ANKRD6: variants seen among roughly 807,000 people sequenced by gnomAD.
ANKRD6 encodes the protein ankyrin repeat domain 6.
Under a neutral mutation model 82.3 loss-of-function variants are expected in ANKRD6, and 56 were observed. That is an observed-to-expected ratio of 0.68 (90% CI 0.55 to 0.85). The LOEUF is 0.85. Ranked by LOEUF, ANKRD6 falls within the 40% of genes least tolerant of loss-of-function variation. The probability of loss-of-function intolerance (pLI) is 0.00; values close to 1 mark genes in which losing one functional copy is unlikely to be tolerated. For synonymous variants in ANKRD6, 347 were observed against 352.1 expected, an observed-to-expected ratio of 0.99 and a Z score of 0.16; for missense variants, 852 against 907.6, an observed-to-expected ratio of 0.94 and a Z score of 0.79.
At chr6:89,605,160 T>A (rs991571777) in intron 4 of ANKRD6, among the ~76,000 whole-genome samples, 1 of 152,202 alleles carries the variant, frequency 6.6e-6, no homozygotes, top group Non-Finnish European at 1.5e-5. Flanking sequence ...GCCAAGTGGA[T>A]CACTTGAGGT....
chr6:89,579,813 A>G (rs1792096184), intron 2 of ANKRD6, among the ~76,000 whole-genome samples: 1 of 150,696 alleles, frequency 6.6e-6, no homozygotes, highest in African/African-American at 2.4e-5. Flanking sequence ...TCAGTGTCCA[A>G]CATTTAATAA....
At chr6:89,575,671 A>G (rs372341951) in intron 2 of ANKRD6, among the ~76,000 whole-genome samples, 17 of 152,188 alleles carry the variant, frequency 1.1e-4, no homozygotes, top group African/African-American at 4.1e-4. Context: ...ATTTTCATGT[A>G]TATGTTGCTT....
intron 1 of ANKRD6, among the ~76,000 whole-genome samples, chr6:89,508,548 C>T (rs1180382549): frequency 6.6e-6 from 1 of 152,104 alleles, no homozygotes; most frequent in Non-Finnish European, 1.5e-5. Flanking sequence ...AAAGGATTTC[C>T]AGCAGAAAAG....
chr6:89,632,731 A>G lies in ANKRD6; in HGVS notation c.*1727A>G, dbSNP rs1807654739. 6.6e-6 allele frequency: 1 copy of G among 152,214 alleles called. No individual in the cohort carries two copies. The highest frequency in any genetic ancestry group is 1.5e-5 in the Non-Finnish European group (1 of 68,036). 9.4% of individuals were successfully genotyped at this position (152,214 alleles called of 1,614,324 possible). A position where few individuals can be genotyped will look rare whatever the true frequency, so the allele number is the denominator to read the frequency against. On this transcript the variant is annotated 3_prime_UTR_variant, in exon 16 of 16. Coordinates refer to ENST00000339746, the MANE Select transcript of ANKRD6 (RefSeq NM_001242809.2). ...CCCCAGAGACTCATTAGATTGCAATATAGAGGCACTTTCTCATTTCCCTAT... is the reference window on the plus strand; with the variant it reads ...CCCCAGAGACTCATTAGATTGCAATGTAGAGGCACTTTCTCATTTCCCTAT...
chr6:89,439,886 G>A (rs1291999340), intron 1 of ANKRD6, among the ~76,000 whole-genome samples: 2 of 151,880 alleles, frequency 1.3e-5, no homozygotes, highest in African/African-American at 2.4e-5. Flanking sequence ...TAGTAGAGAC[G>A]GGGTTTTACC....
In ANKRD6 at chr6:89,623,981, C is replaced by CCCCA; in HGVS notation, c.1146_1149dup (p.Pro384ThrfsTer5). On this transcript the variant is annotated frameshift_variant, in exon 12 of 16. Transcript: ENST00000339746. LOFTEE classifies it high-confidence loss of function. ...AAGAGGAACAGGCATCGGTGTTCATCCCCACCCCCACCCCATGAGTTCAGG... is the reference window on the plus strand; with the variant it reads ...AAGAGGAACAGGCATCGGTGTTCATCCCCACCCACCCCCACCCCATGAGTTCAGG... 1 of 1,528,416 alleles carries CCCCA rather than the reference C, an allele frequency of 6.5e-7. No homozygotes were observed. Among genetic ancestry groups the CCCCA allele is most frequent in the Non-Finnish European group, 9.0e-7 (1 of 1,111,958 alleles). 94.7% of individuals were successfully genotyped at this position (1,528,416 alleles called of 1,614,324 possible). A position where few individuals can be genotyped will look rare whatever the true frequency, so the allele number is the denominator to read the frequency against.
At chr6:89,454,272 C>T (rs1773242002) in intron 1 of ANKRD6, among the ~76,000 whole-genome samples, 1 of 152,210 alleles carries the variant, frequency 6.6e-6, no homozygotes, top group Non-Finnish European at 1.5e-5. Flanking sequence ...GCTATTTCTT[C>T]TATATGTAAC....
rs539016388 is a variant in ANKRD6 at position 89,439,363 on chromosome 6, T to C, written c.-144+5988T>C. On this transcript the variant is annotated intron_variant, in intron 1 of 15. Coordinates refer to ENST00000339746, the MANE Select transcript of ANKRD6 (RefSeq NM_001242809.2). ...CCTTCAAAAAAAAAAGTTTTTGCCA[T>C]GGAATGTGTTACATAATCACAAAGT... Among the ~76,000 whole-genome samples the C allele has an allele frequency of 1.1e-3, 171 of 152,266 alleles. 1 individual carries two copies. The highest frequency in any genetic ancestry group is 1.4e-3 in the Non-Finnish European group (97 of 68,032).
rs1176423755 is a variant in ANKRD6 at position 89,578,283 on chromosome 6, CT to C, written c.120+11188del. 1.3e-4 allele frequency among the ~76,000 whole-genome samples: 18 copies of C among 133,700 alleles called. 1 individual carries two copies. Among genetic ancestry groups the C allele is most frequent in the Non-Finnish European group, 2.0e-4 (13 of 64,386 alleles). 87.7% of individuals were successfully genotyped at this position (133,700 alleles called of 152,430 possible). On this transcript the variant is annotated intron_variant, in intron 2 of 15. Coordinates refer to ENST00000339746, the MANE Select transcript of ANKRD6 (RefSeq NM_001242809.2). Reference sequence around the variant, plus strand: ...ACGATTAGCTTTTTCCCCCTCCCGCCTCCTTTTTTTTTTTTTTTTTTTTTTT... The same window carrying C: ...ACGATTAGCTTTTTCCCCCTCCCGCCCCTTTTTTTTTTTTTTTTTTTTTTT...
At chr6:89,467,815 T>C (rs746093608) in intron 1 of ANKRD6, among the ~76,000 whole-genome samples, 3 of 152,204 alleles carry the variant, frequency 2.0e-5, no homozygotes, top group Non-Finnish European at 4.4e-5. Flanking sequence ...CAGCTTCTTA[T>C]GTTGCGGGAG....
intron 13 of ANKRD6, 37 bp from the exon 14 acceptor site, chr6:89,627,546 C>T: frequency 6.3e-7 from 1 of 1,595,856 alleles, no homozygotes; most frequent in Non-Finnish European, 8.6e-7. Context: ...ACCCTGAGAT[C>T]ATCTCAGTCT....
intron 1 of ANKRD6, among the ~76,000 whole-genome samples, chr6:89,537,583 T>A (rs1170562623): frequency 6.6e-6 from 1 of 151,576 alleles, no homozygotes; most frequent in Non-Finnish European, 1.5e-5. Context: ...AATTATTATA[T>A]AATTATAATA....
chr6:89,618,005 G>T lies in ANKRD6; in HGVS notation c.766G>T (p.Ala256Ser), dbSNP rs746805527. Residue 256 changes from alanine to serine, a missense_variant, in exon 9 of 16, where the codon GCT becomes TCT. Ala to Ser is a moderately conservative substitution (Grantham distance 99, BLOSUM62 1). Transcript: ENST00000339746. ...TARYHNNPEVALLLTKAPQVL... is the reference protein window; with the variant it reads ...TARYHNNPEVSLLLTKAPQVL... ...CCGCTACCACAATAACCCGGAAGTT[G>T]CTCTTCTCCTTACTAAAGCTCCCCA... 6.2e-7 allele frequency: 1 copy of T among 1,614,042 alleles called. No homozygotes were observed. Among genetic ancestry groups the T allele is most frequent in the Non-Finnish European group, 8.5e-7 (1 of 1,179,904 alleles).
At chr6:89,579,316 C>T (rs1791903461) in intron 2 of ANKRD6, among the ~76,000 whole-genome samples, 3 of 152,206 alleles carry the variant, frequency 2.0e-5, no homozygotes, top group Admixed American at 2.0e-4. Flanking sequence ...AGCACATAGT[C>T]AGTGTCAAAT....
intron 1 of ANKRD6, among the ~76,000 whole-genome samples, chr6:89,507,938 T>C (rs923476823): frequency 5.3e-5 from 8 of 152,180 alleles, no homozygotes; most frequent in African/African-American, 1.9e-4. Context: ...GCCAGTTTTA[T>C]ATTATGCAGC....
At chr6:89,624,761 G>C (rs192274889) in intron 13 of ANKRD6, 70 bp downstream of exon 13, 1 of 1,523,292 alleles carries the variant, frequency 6.6e-7, no homozygotes, top group Non-Finnish European at 8.8e-7. Flanking sequence ...AACCAACTTC[G>C]ACTTTAGCAC....
intron 1 of ANKRD6, among the ~76,000 whole-genome samples, chr6:89,566,298 T>C (rs1788512178): frequency 6.6e-6 from 1 of 151,904 alleles, no homozygotes; most frequent in African/African-American, 2.4e-5. Context: ...CTATTTACGG[T>C]GAAAAAAGGT....
intron 1 of ANKRD6, among the ~76,000 whole-genome samples, chr6:89,496,186 C>A (rs992427881): frequency 2.6e-5 from 4 of 151,724 alleles, no homozygotes; most frequent in East Asian, 1.9e-4. Flanking sequence ...GCCCCCCCCC[C>A]CACCATAATT....
intron 1 of ANKRD6, among the ~76,000 whole-genome samples, chr6:89,537,303 G>T (rs893984149): frequency 6.6e-6 from 1 of 152,140 alleles, no homozygotes; most frequent in Non-Finnish European, 1.5e-5. Flanking sequence ...CCATTGCAGA[G>T]TGTACAGTGA....
Sources: gnomAD v4.1 joint callset for allele counts (sites outside exome capture counted in the v4.1 genomes callset) on GRCh38, gnomAD v4.1.1 for gene constraint, MANE v1.5 for transcripts, NCBI Gene and HGNC (gene_info 2026-07-23, HGNC 2026-07-21) for gene names.